Variants in MYO1D observed in about 807,000 individuals in gnomAD.
MYO1D encodes unconventional myosin-Id.
MYO1D carries 83 observed loss-of-function variants against 122.0 expected under a neutral mutation model. That is an observed-to-expected ratio of 0.68 (90% CI 0.57 to 0.82). MYO1D has a LOEUF of 0.82. Among genes scored for constraint, MYO1D ranks in the 40% least tolerant of loss-of-function variants. MYO1D has a pLI of 0.00. For synonymous variants in MYO1D, 464 were observed against 446.9 expected (o/e 1.04, Z -0.48); for missense variants, 1,157 against 1,269.5 (o/e 0.91, Z 1.35).
In MYO1D at chr17:32,712,169, C is replaced by A; in HGVS notation, c.1940G>T (p.Trp647Leu). ...GTCTGAAGGAAGGTCATGGTTGGGCCAGGTGAATTCAGAGATCATCTTATA... is the reference window on the plus strand; with the variant it reads ...GTCTGAAGGAAGGTCATGGTTGGGCAAGGTGAATTCAGAGATCATCTTATA... ...HRYKMISEFT[W>L]PNHDLPSDKE... Residue 647 changes from tryptophan (W) to leucine (L), a missense_variant, in exon 16 of 22, where the codon TGG (tryptophan) becomes TTG (leucine). Coordinates refer to ENST00000318217, the MANE Select transcript of MYO1D (RefSeq NM_015194.3). 1 of 1,613,392 alleles carries A rather than the reference C, an allele frequency of 6.2e-7. No individual in the cohort carries two copies. Among genetic ancestry groups the A allele is most frequent in the Non-Finnish European group, 8.5e-7 (1 of 1,179,716 alleles).
chr17:32,647,373 G>A (rs1337356891), intron 19 of MYO1D, among the ~76,000 whole-genome samples: 2 of 152,202 alleles, frequency 1.3e-5, no homozygotes, highest in African/African-American at 2.4e-5. Context: ...TGAACAAAGA[G>A]TATTTTGCTT....
intron 5 of MYO1D, among the ~76,000 whole-genome samples, chr17:32,771,976 T>C (rs2090117060): frequency 6.6e-6 from 1 of 152,188 alleles, no homozygotes; most frequent in Non-Finnish European, 1.5e-5. Flanking sequence ...ACTTAAAAAG[T>C]CTAATTATCA....
chr17:32,572,517 C>T (rs1485334279), intron 21 of MYO1D, among the ~76,000 whole-genome samples: 1 of 152,150 alleles, frequency 6.6e-6, no homozygotes, highest in Non-Finnish European at 1.5e-5. Flanking sequence ...ATTTTAGGAC[C>T]AGCCACCCTC....
At chr17:32,767,514 C>T in intron 7 of MYO1D, 122 bp downstream of exon 7, 1 of 609,176 alleles carries the variant, frequency 1.6e-6, no homozygotes, top group South Asian at 2.8e-5. Context: ...GTAATTTCTT[C>T]AAAATACGTA....
At chr17:32,804,065 C>T (rs530439587) in intron 1 of MYO1D, among the ~76,000 whole-genome samples, 5 of 152,180 alleles carry the variant, frequency 3.3e-5, no homozygotes, top group African/African-American at 9.6e-5. Flanking sequence ...GGTTCCAGGA[C>T]CTCTTGTGGA....
intron 20 of MYO1D, among the ~76,000 whole-genome samples, chr17:32,631,326 AT>A: frequency 6.6e-6 from 1 of 152,342 alleles, no homozygotes; most frequent in East Asian, 1.9e-4. Flanking sequence ...GAATTCTGTT[AT>A]TAAAAAAACA....
At chr17:32,683,250 G>A (rs1202857670) in intron 16 of MYO1D, among the ~76,000 whole-genome samples, 7 of 152,016 alleles carry the variant, frequency 4.6e-5, no homozygotes, top group Middle Eastern at 3.4e-3. Context: ...CTCTCAGCTC[G>A]TCAAAGTCAT....
At chr17:32,628,454 G>C (rs1363977543) in intron 20 of MYO1D, among the ~76,000 whole-genome samples, 2 of 152,142 alleles carry the variant, frequency 1.3e-5, no homozygotes, top group Non-Finnish European at 2.9e-5. Flanking sequence ...TATCTTTCCT[G>C]TGTGACTAGA....
chr17:32,814,457 A>G (rs562660987), intron 1 of MYO1D, among the ~76,000 whole-genome samples: 4 of 152,360 alleles, frequency 2.6e-5, no homozygotes, highest in African/African-American at 9.6e-5. Context: ...ATTTGTAAGC[A>G]CAGAAACCAT....
chr17:32,757,841 G>A (rs558077616), intron 10 of MYO1D, among the ~76,000 whole-genome samples: 1 of 152,228 alleles, frequency 6.6e-6, no homozygotes, highest in African/African-American at 2.4e-5. Context: ...GTTTCCTAAG[G>A]GATACCAGGA....
At chr17:32,643,384 CT>C (rs900499733) in intron 19 of MYO1D, among the ~76,000 whole-genome samples, 1 of 152,090 alleles carries the variant, frequency 6.6e-6, no homozygotes, top group Admixed American at 6.6e-5. Context: ...CTAAAATTCT[CT>C]TTTTTTGTTG....
Position 32,748,931 on chromosome 17 carries a change from C to T in MYO1D, c.1538+5G>A. ...TCATGGTAGGTACCAAGGTAAGATACTCACACTACATCGCCTGCATAATGT... is the reference window on the plus strand; with the variant it reads ...TCATGGTAGGTACCAAGGTAAGATATTCACACTACATCGCCTGCATAATGT... On this transcript the variant is annotated splice_donor_5th_base_variant and intron_variant, in intron 12 of 21. Transcript: ENST00000318217. The T allele has an allele frequency of 1.2e-6, 2 of 1,611,246 alleles. No homozygotes were observed. The highest frequency in any genetic ancestry group is 1.1e-5 in the South Asian group (1 of 90,992).
chr17:32,639,952 TA>T (rs1420064154), intron 19 of MYO1D, among the ~76,000 whole-genome samples: 1 of 152,184 alleles, frequency 6.6e-6, no homozygotes, highest in African/African-American at 2.4e-5. Context: ...GTAGGCTATT[TA>T]GCTAATGAAA....
intron 1 of MYO1D, among the ~76,000 whole-genome samples, chr17:32,805,402 T>C (rs1460937261): frequency 6.6e-6 from 1 of 152,168 alleles, no homozygotes; most frequent in Non-Finnish European, 1.5e-5. Flanking sequence ...GACTCCTTTG[T>C]CTCCAAAATA....
intron 21 of MYO1D, among the ~76,000 whole-genome samples, chr17:32,523,806 A>AAT: frequency 6.6e-6 from 1 of 151,864 alleles, no homozygotes; most frequent in East Asian, 1.9e-4. Context: ...AAAAAAAAAA[A>AAT]AAAAAAGAGT....
chr17:32,575,602 C>T (rs1336394357), intron 21 of MYO1D, among the ~76,000 whole-genome samples: 2 of 152,116 alleles, frequency 1.3e-5, no homozygotes, highest in African/African-American at 4.8e-5. Context: ...CTCCTTTTTC[C>T]ACTTTATGCA....
At chr17:32,537,539 G>A (rs751527965) in intron 21 of MYO1D, among the ~76,000 whole-genome samples, 2 of 152,196 alleles carry the variant, frequency 1.3e-5, no homozygotes, top group African/African-American at 4.8e-5. Flanking sequence ...CAAAGAGCAG[G>A]GGCTACACAT....
At chr17:32,716,375 T>A (rs2089446145) in intron 15 of MYO1D, among the ~76,000 whole-genome samples, 1 of 152,220 alleles carries the variant, frequency 6.6e-6, no homozygotes, top group South Asian at 2.1e-4. Flanking sequence ...GTTTATCTGC[T>A]TAATGTCAGT....
chr17:32,868,687 A>G (rs1053018275), intron 1 of MYO1D, among the ~76,000 whole-genome samples: 1 of 152,192 alleles, frequency 6.6e-6, no homozygotes, highest in Non-Finnish European at 1.5e-5. Context: ...CTTGCTGAAC[A>G]TGTGATTTCA....
Sources: allele counts gnomAD v4.1 joint callset (sites outside exome capture counted in the v4.1 genomes callset), GRCh38; gene constraint gnomAD v4.1.1; transcripts MANE v1.5; gene names NCBI Gene and HGNC (gene_info 2026-07-23, HGNC 2026-07-21).